The following KIF13B variants were observed in gnomAD, a reference collection of about 807,000 sequenced individuals.
The protein encoded by KIF13B is kinesin-like protein KIF13B.
KIF13B carries 127 observed loss-of-function variants against 222.0 expected under a neutral mutation model. That is an observed-to-expected ratio of 0.57 (90% confidence interval 0.50 to 0.66). KIF13B has a LOEUF of 0.66. Among genes scored for constraint, KIF13B ranks in the 30% least tolerant of loss-of-function variants. The pLI is 0.00. For missense variants in KIF13B, 2,173 were observed against 2,379.0 expected (o/e 0.91, Z 1.80); for synonymous variants, 976 against 919.0 (o/e 1.06, Z -1.12).
chr8:29,153,680 CAA>C (rs11422906), intron 14 of KIF13B, among the ~76,000 whole-genome samples: 2 of 140,652 alleles, frequency 1.4e-5, no homozygotes, highest in African/African-American at 2.6e-5. Context: ...TAACTCCTGC[CAA>C]AAAAAAAAAA....
intron 11 of KIF13B, among the ~76,000 whole-genome samples, chr8:29,166,535 T>C (rs1250062159): frequency 1.3e-5 from 2 of 151,902 alleles, no homozygotes; most frequent in African/African-American, 2.4e-5. Context: ...AGAAACCCTG[T>C]CTCTATAAAA....
chr8:29,072,392 G>A, intron 38 of KIF13B, 76 bp from the exon 39 acceptor site: 1 of 1,053,892 alleles, frequency 9.5e-7, no homozygotes, highest in Non-Finnish European at 1.3e-6. Flanking sequence ...CTTTGACTTG[G>A]AAAAGAGCAT....
intron 37 of KIF13B, among the ~76,000 whole-genome samples, chr8:29,081,336 C>T (rs976230913): frequency 3.3e-5 from 5 of 152,200 alleles, no homozygotes; most frequent in Non-Finnish European, 7.3e-5. Context: ...CTGGTGGTGA[C>T]CCAGCACTGA....
intron 4 of KIF13B, chr8:29,190,045 C>T (rs570299970): frequency 3.9e-5 from 6 of 152,310 alleles, no homozygotes; most frequent in South Asian, 4.1e-4. Context: ...GGTTACCATC[C>T]GCAGTTCCTG....
At chr8:29,110,728 G>T (rs765942885) in intron 32 of KIF13B, 1 of 152,270 alleles carries the variant, frequency 6.6e-6, no homozygotes, top group African/African-American at 2.4e-5. Flanking sequence ...TGGGATGTGA[G>T]CTGGCTGTGC....
chr8:29,176,346 C>T (rs922790717), intron 9 of KIF13B, among the ~76,000 whole-genome samples, 167 bp from the exon 10 acceptor site: 13 of 152,258 alleles, frequency 8.5e-5, no homozygotes, highest in Non-Finnish European at 1.8e-4. Flanking sequence ...TAGTTATTTT[C>T]CCCCAATACT....
Position 29,130,631 on chromosome 8 carries a change from C to T in KIF13B, c.2977G>A (p.Val993Ile), listed in dbSNP as rs1404929614. The T allele has an allele frequency of 6.2e-7, 1 of 1,613,744 alleles. No homozygotes were observed. The highest frequency in any genetic ancestry group is 1.1e-5 in the South Asian group (1 of 91,072). ...TTCTCATTCTGTTCCAAGATTTGAA[C>T]CCAGAATTCCAATTTCCTGGTCACT... ...SEVTRKLEFW[V>I]QILEQNENGE... The change falls in exon 24 of 40, where the codon GTT (valine) becomes ATT (isoleucine). Residue 993 changes from valine (V) to isoleucine (I), a missense_variant. Val to Ile is a conservative substitution (Grantham distance 29, BLOSUM62 3). Coordinates refer to ENST00000524189, the MANE Select transcript of KIF13B (RefSeq NM_015254.4).
chr8:29,146,981 T>G (rs2129986512), intron 17 of KIF13B, among the ~76,000 whole-genome samples: 1 of 152,334 alleles, frequency 6.6e-6, no homozygotes, highest in South Asian at 2.1e-4. Context: ...CAATGCTAAT[T>G]AGCCCATACA....
At chr8:29,088,083 T>C (rs1386622114) in intron 37 of KIF13B, among the ~76,000 whole-genome samples, 4 of 151,806 alleles carry the variant, frequency 2.6e-5, no homozygotes, top group African/African-American at 9.7e-5. Context: ...CTGGCCAACA[T>C]GGTGAAACTC....
At chr8:29,155,468 A>G (rs983340771) in intron 14 of KIF13B, among the ~76,000 whole-genome samples, 2 of 152,150 alleles carry the variant, frequency 1.3e-5, no homozygotes. Context: ...TGGTGAGTGA[A>G]CCAGGAGGCA....
Position 29,075,352 on chromosome 8 carries a change from G to A in KIF13B, c.4459-9C>T. 1 of 1,555,856 alleles carries A rather than the reference G, an allele frequency of 6.4e-7. No homozygotes were observed. Among genetic ancestry groups the A allele is most frequent in the East Asian group, 2.4e-5 (1 of 41,502 alleles). ...ATGATGCGGGGCACGGGCTGAGGAG[G>A]CAAGTGTGCAGGTCAGGGGTCGAGA... On this transcript the variant is annotated splice_polypyrimidine_tract_variant and intron_variant, in intron 37 of 39. Transcript: ENST00000524189.
Position 29,134,029 on chromosome 8 carries a change from A to C in KIF13B, c.2784+11T>G. 6.2e-7 allele frequency: 1 copy of C among 1,609,412 alleles called. No individual in the cohort carries two copies. Among genetic ancestry groups the C allele is most frequent in the Non-Finnish European group, 8.5e-7 (1 of 1,177,692 alleles). ...ATCTAAATGCTGACCTACTCTGGAA[A>C]ACAAACTCACATTGCAATGATCAAA... On this transcript the variant is annotated intron_variant, in intron 22 of 39. Transcript: ENST00000524189.
chr8:29,138,508 C>G (rs1810664320), intron 21 of KIF13B: 1 of 152,134 alleles, frequency 6.6e-6, no homozygotes, highest in South Asian at 2.1e-4. Flanking sequence ...TAACTCCTAA[C>G]AAAATGATGC....
intron 3 of KIF13B, among the ~76,000 whole-genome samples, chr8:29,193,744 C>A (rs1306512036): frequency 6.6e-6 from 1 of 152,244 alleles, no homozygotes; most frequent in African/African-American, 2.4e-5. Flanking sequence ...TACTTCAAAT[C>A]ATCTCTTGAT....
chr8:29,082,450 G>A (rs1807854575), intron 37 of KIF13B, among the ~76,000 whole-genome samples: 1 of 151,988 alleles, frequency 6.6e-6, no homozygotes, highest in Non-Finnish European at 1.5e-5. Flanking sequence ...AACAGCCTGG[G>A]CAACATACCA....
intron 2 of KIF13B, among the ~76,000 whole-genome samples, chr8:29,198,550 T>C (rs1201468502): frequency 6.6e-6 from 1 of 152,178 alleles, no homozygotes; most frequent in African/African-American, 2.4e-5. Flanking sequence ...CTTGAACTCT[T>C]GATCTCAAGT....
At chr8:29,188,039 A>T (rs1479594888) in intron 5 of KIF13B, among the ~76,000 whole-genome samples, 1 of 152,224 alleles carries the variant, frequency 6.6e-6, no homozygotes, top group Admixed American at 6.5e-5. Context: ...TTCTGTGAGA[A>T]CATTTCTAGT....
chr8:29,241,303 G>C (rs1230934426), intron 2 of KIF13B, among the ~76,000 whole-genome samples: 2 of 152,206 alleles, frequency 1.3e-5, no homozygotes, highest in Non-Finnish European at 2.9e-5. Context: ...TGATGTACAA[G>C]CAGATAGTGG....
At chr8:29,137,557 C>T (rs925809454) in intron 21 of KIF13B, among the ~76,000 whole-genome samples, 2 of 152,224 alleles carry the variant, frequency 1.3e-5, no homozygotes, top group African/African-American at 4.8e-5. Flanking sequence ...CAAATCCAGA[C>T]TTCTTTGGGG....
Sources: gnomAD v4.1 joint callset for allele counts (sites outside exome capture counted in the v4.1 genomes callset) on GRCh38, gnomAD v4.1.1 for gene constraint, MANE v1.5 for transcripts, NCBI Gene and HGNC (gene_info 2026-07-23, HGNC 2026-07-21) for gene names.